The following PDE1C variants were observed in gnomAD, a reference collection of about 807,000 sequenced individuals.
PDE1C encodes the protein dual specificity calcium/calmodulin-dependent 3',5'-cyclic nucleotide phosphodiesterase 1C.
In PDE1C, 62 loss-of-function variants were observed where a neutral mutation model predicts 93.1. The ratio of observed to expected loss-of-function variants is 0.67; its 90% confidence interval spans 0.54 to 0.82. The LOEUF (loss-of-function observed/expected upper bound fraction) is 0.82, where lower values mean the gene tolerates loss of function less well. Among genes scored for constraint, PDE1C ranks in the 40% least tolerant of loss-of-function variants. PDE1C has a pLI of 0.00. For synonymous variants in PDE1C, 325 were observed against 310.1 expected (o/e 1.05, Z -0.50); for missense variants, 742 against 884.6 (o/e 0.84, Z 2.04).
At chr7:31,895,898 CTG>C (rs1179713948) in intron 2 of PDE1C, among the ~76,000 whole-genome samples, 6 of 152,096 alleles carry the variant, frequency 3.9e-5, no homozygotes, top group African/African-American at 1.4e-4. Context: ...CCATGTGGAA[CTG>C]TGAGTCCATT....
the PDE1C span, among the ~76,000 whole-genome samples, chr7:31,720,905 T>C: frequency 6.6e-6 from 1 of 152,184 alleles, no homozygotes; most frequent in Non-Finnish European, 1.5e-5. Context: ...TACCAAACAC[T>C]ACCTCTGAAA....
intron 2 of PDE1C, among the ~76,000 whole-genome samples, chr7:32,014,153 A>G (rs1787549521): frequency 6.6e-6 from 1 of 152,244 alleles, no homozygotes; most frequent in South Asian, 2.1e-4. Context: ...AAAAAGTGCA[A>G]TGCACTGCAA....
chr7:32,106,264 C>A (rs1322374363), intron 3 of PDE1C, among the ~76,000 whole-genome samples: 2 of 152,052 alleles, frequency 1.3e-5, no homozygotes, highest in African/African-American at 4.8e-5. Flanking sequence ...AGCAGGCAGC[C>A]TCCCAAAGTA....
the PDE1C span, among the ~76,000 whole-genome samples, chr7:31,619,840 T>A: frequency 4.6e-5 from 7 of 152,016 alleles, no homozygotes; most frequent in African/African-American, 1.7e-4. Context: ...GGTCAGGGAG[T>A]TCCCTTTCCT....
At chr7:31,772,614 A>G (rs977160552) in intron 17 of PDE1C, among the ~76,000 whole-genome samples, 2 of 151,466 alleles carry the variant, frequency 1.3e-5, no homozygotes, top group Non-Finnish European at 2.9e-5. Flanking sequence ...CGTGTGTTTG[A>G]GCAGAGGAGT....
intron 1 of PDE1C, among the ~76,000 whole-genome samples, chr7:32,060,739 TCA>T (rs1794709045): frequency 6.6e-6 from 1 of 152,180 alleles, no homozygotes; most frequent in South Asian, 2.1e-4. Flanking sequence ...ATGACTAATT[TCA>T]GTCAGTGATT....
At chr7:31,833,439 G>A (rs1416839505) in intron 11 of PDE1C, among the ~76,000 whole-genome samples, 8 of 152,164 alleles carry the variant, frequency 5.3e-5, no homozygotes, top group Non-Finnish European at 1.0e-4. Flanking sequence ...GGAACAGTTT[G>A]GAGAGCTCAG....
At chr7:32,375,479 G>C (rs996685212) in intron 1 of PDE1C, among the ~76,000 whole-genome samples, 1 of 152,202 alleles carries the variant, frequency 6.6e-6, no homozygotes, top group Non-Finnish European at 1.5e-5. Flanking sequence ...AATGTCTGGA[G>C]ATATTTTTGA....
Position 31,932,488 on chromosome 7 carries a change from A to C in PDE1C, c.129-51628T>G, listed in dbSNP as rs151051633. 2.6e-3 allele frequency among the ~76,000 whole-genome samples: 398 copies of C among 152,352 alleles called. 1 individual carries two copies. Among genetic ancestry groups the C allele is most frequent in the African/African-American group, 9.0e-3 (373 of 41,584 alleles). On this transcript the variant is annotated intron_variant, in intron 2 of 17. Transcript: ENST00000396191. Reference sequence around the variant, plus strand: ...AAAGCTCACCATCAGTGGTCATTAGAGAAATGAAAATTAAAACCACAATGA... The same window carrying C: ...AAAGCTCACCATCAGTGGTCATTAGCGAAATGAAAATTAAAACCACAATGA...
At chr7:31,998,724 T>G (rs185365956) in intron 2 of PDE1C, among the ~76,000 whole-genome samples, 279 of 152,310 alleles carry the variant, frequency 1.8e-3, no homozygotes, top group Middle Eastern at 0.01. Context: ...AACACAAAAA[T>G]TCTAATACTA....
At chr7:32,161,927 G>A (rs1801952138) in intron 3 of PDE1C, among the ~76,000 whole-genome samples, 1 of 152,134 alleles carries the variant, frequency 6.6e-6, no homozygotes. Flanking sequence ...GGGGGTGGAA[G>A]CCTGGATTTC....
the PDE1C span, among the ~76,000 whole-genome samples, chr7:31,639,313 A>T: frequency 6.6e-6 from 1 of 151,908 alleles, no homozygotes; most frequent in Non-Finnish European, 1.5e-5. Context: ...TTCATTTGGG[A>T]TAGCTTCTTA....
At chr7:32,247,253 C>CATGGTGAG (rs1809032109) in intron 1 of PDE1C, among the ~76,000 whole-genome samples, 1 of 121,942 alleles carries the variant, frequency 8.2e-6, no homozygotes, top group Non-Finnish European at 1.8e-5. Flanking sequence ...GAAGCAGTGG[C>CATGGTGAG]CACAGACCAG....
At chr7:32,347,133 AT>A (rs1783867900) in intron 1 of PDE1C, among the ~76,000 whole-genome samples, 1 of 152,206 alleles carries the variant, frequency 6.6e-6, no homozygotes, top group African/African-American at 2.4e-5. Flanking sequence ...TCTACTCCCT[AT>A]AATCCACCCA....
At chr7:32,356,682 G>T (rs185111060) in intron 1 of PDE1C, among the ~76,000 whole-genome samples, 1 of 152,116 alleles carries the variant, frequency 6.6e-6, no homozygotes, top group African/African-American at 2.4e-5. Flanking sequence ...ATTAGCTGAT[G>T]GTCTGTTAGT....
At chr7:31,890,044 A>G (rs1329420634) in intron 2 of PDE1C, among the ~76,000 whole-genome samples, 2 of 152,214 alleles carry the variant, frequency 1.3e-5, no homozygotes, top group African/African-American at 4.8e-5. Flanking sequence ...GAAGGTAAAC[A>G]TTCTCTCTCC....
At chr7:31,918,383 A>G (rs1563029845) in intron 2 of PDE1C, among the ~76,000 whole-genome samples, 1 of 152,180 alleles carries the variant, frequency 6.6e-6, no homozygotes, top group Non-Finnish European at 1.5e-5. Flanking sequence ...GGTATATGTC[A>G]CGCATGTACC....
intron 1 of PDE1C, among the ~76,000 whole-genome samples, chr7:32,292,490 T>A (rs1361525116): frequency 1.3e-5 from 2 of 152,334 alleles, no homozygotes; most frequent in East Asian, 3.9e-4. Flanking sequence ...CTGTACCCAG[T>A]GGATAAATCA....
chr7:31,650,245 C>T, the PDE1C span, among the ~76,000 whole-genome samples: 15 of 152,176 alleles, frequency 9.9e-5, no homozygotes, highest in African/African-American at 1.4e-4. Context: ...CAGGTGTTGG[C>T]GAAAGCAAAC....
Sources: gnomAD v4.1 joint callset for allele counts (sites outside exome capture counted in the v4.1 genomes callset) on GRCh38, gnomAD v4.1.1 for gene constraint, MANE v1.5 for transcripts, NCBI Gene and HGNC (gene_info 2026-07-23, HGNC 2026-07-21) for gene names.